The following RBBP6 variants were observed in gnomAD, a reference collection of about 807,000 sequenced individuals.
The protein encoded by RBBP6 is RB binding protein 6, ubiquitin ligase.
In RBBP6, 25 loss-of-function variants were observed where a neutral mutation model predicts 167.7. The observed-to-expected ratio is 0.15, with a 90% CI of 0.11 to 0.21. RBBP6 has a LOEUF of 0.21. Among genes scored for constraint, RBBP6 ranks in the 10% least tolerant of loss-of-function variants. The pLI is 1.00. For missense variants in RBBP6, 1,868 were observed against 2,134.2 expected (o/e 0.88, Z 2.46); for synonymous variants, 789 against 735.8 (o/e 1.07, Z -1.17).
chr16:24,543,320 T>G (rs1898551826), intron 1 of RBBP6, among the ~76,000 whole-genome samples: 1 of 142,930 alleles, frequency 7.0e-6, no homozygotes, highest in Non-Finnish European at 1.5e-5. Flanking sequence ...TGGAGACACA[T>G]CCTCACAGGC....
At chr16:24,565,599 G>A (rs1404220108) in intron 14 of RBBP6, among the ~76,000 whole-genome samples, 4 of 152,314 alleles carry the variant, frequency 2.6e-5, no homozygotes, top group South Asian at 2.1e-4. Flanking sequence ...TGGGTTGCAC[G>A]CTTCTTAGGA....
At chr16:24,564,680 G>T (rs190212924) in intron 13 of RBBP6, 117 bp from the exon 14 acceptor site, 1 of 1,298,608 alleles carries the variant, frequency 7.7e-7, no homozygotes, top group African/African-American at 1.5e-5. Context: ...AAGAACTGGG[G>T]AGTAGGAAAA....
At position 24,541,200 on chromosome 16, in the gene RBBP6, AAAAC is replaced by A. The variant is rs901594864; in HGVS notation, c.166+409_166+412del. Among the ~76,000 whole-genome samples, 292 of 101,480 alleles carry A rather than the reference AAAAC, an allele frequency of 2.9e-3. 10 individuals are homozygous for A. The highest frequency in any genetic ancestry group is 7.7e-3 in the African/African-American group (144 of 18,818). The allele number at this position is 101,480 out of a possible 152,430, so 66.6% of individuals were successfully genotyped here. The stretch of plus-strand genomic sequence containing the variant: ...AATCAGCAAAAAAAAAAACAAAAAA[AAAAC>A]CAAAAAAACAATTTTCTAACCTAAC... On this transcript the variant is annotated intron_variant, in intron 1 of 17. Coordinates refer to ENST00000319715, the MANE Select transcript of RBBP6 (RefSeq NM_006910.5).
chr16:24,551,351 T>C (rs1898790764), intron 3 of RBBP6, among the ~76,000 whole-genome samples: 1 of 151,836 alleles, frequency 6.6e-6, no homozygotes, highest in East Asian at 1.9e-4. Flanking sequence ...TTATTGATGT[T>C]TAGTAATACA....
chr16:24,572,852 A>G lies in RBBP6; in HGVS notation c.*407A>G, dbSNP rs1020672909. 6.2e-6 allele frequency: 1 copy of G among 162,036 alleles called. No individual in the cohort carries two copies. Among genetic ancestry groups the G allele is most frequent in the Non-Finnish European group, 1.3e-5 (1 of 74,594 alleles). The allele number at this position is 162,036 out of a possible 1,614,324, so 10.0% of individuals were successfully genotyped here. A position where few individuals can be genotyped will look rare whatever the true frequency, so the allele number is the denominator to read the frequency against. ...TTTGATTACAATAAAAGTTTTCAGT[A>G]AACTTTTCAAATGTTGAGTATTTGC... On this transcript the variant is annotated 3_prime_UTR_variant, in exon 18 of 18. Coordinates refer to ENST00000319715, the MANE Select transcript of RBBP6 (RefSeq NM_006910.5).
Position 24,542,969 on chromosome 16 carries a change from TAAGAA to T in RBBP6, c.166+2181_166+2185del, listed in dbSNP as rs533559999. Among the ~76,000 whole-genome samples the T allele has an allele frequency of 7.4e-3, 1,125 of 152,260 alleles. 15 individuals are homozygous for T. Among genetic ancestry groups the T allele is most frequent in the Non-Finnish European group, 8.0e-3 (541 of 68,008 alleles). On this transcript the variant is annotated intron_variant, in intron 1 of 17. Transcript: ENST00000319715. ...GAGAAAGCTTTGATGTTCGGTTTGTTAAGAAAAGGGAGCTTTGAGGGAGAAAATGT... is the reference window on the plus strand; with the variant it reads ...GAGAAAGCTTTGATGTTCGGTTTGTTAAGGGAGCTTTGAGGGAGAAAATGT...
intron 1 of RBBP6, among the ~76,000 whole-genome samples, chr16:24,544,926 A>C (rs1447625605): frequency 6.6e-6 from 1 of 152,084 alleles, no homozygotes; most frequent in East Asian, 1.9e-4. Flanking sequence ...GTCCATCAGC[A>C]AGCTTTGTCA....
At chr16:24,562,246 T>G in intron 10 of RBBP6, 85 bp downstream of exon 10, 1 of 1,249,732 alleles carries the variant, frequency 8.0e-7, no homozygotes, top group South Asian at 1.4e-5. Flanking sequence ...TTTAACAGCT[T>G]TCTTAGTGGA....
chr16:24,557,756 C>T (rs1351829701), intron 7 of RBBP6, among the ~76,000 whole-genome samples: 4 of 152,134 alleles, frequency 2.6e-5, no homozygotes, highest in Non-Finnish European at 5.9e-5. Context: ...TATATAAGAA[C>T]AGTTCCTCAG....
intron 7 of RBBP6, chr16:24,558,506 G>A (rs1487588871): frequency 2.0e-6 from 2 of 984,064 alleles, no homozygotes; most frequent in East Asian, 2.3e-4. Flanking sequence ...TGTCTATGGA[G>A]CAACTGCAAC....
At position 24,563,231 on chromosome 16, in the gene RBBP6, C is replaced by T. The variant is rs1446377294; in HGVS notation, c.1322C>T (p.Ala441Val). Reference protein sequence around the residue: ...DSDNKILPAAALASEHSKGTS... With the variant: ...DSDNKILPAAVLASEHSKGTS... ...GATAATAAAATATTGCCAGCTGCAG[C>T]TCTTGCATCAGAGCACTCAAAGGGA... is the stretch of plus-strand genomic sequence containing the variant. Residue 441 changes from alanine (A) to valine (V), a missense_variant, in exon 11 of 18, where the codon GCT becomes GTT. This residue lies in a region of RBBP6 where 245 missense variants were observed against 240.1 expected (regional missense o/e 1.02). Transcript: ENST00000319715. The T allele has an allele frequency of 6.2e-7, 1 of 1,610,252 alleles. No individual in the cohort carries two copies. Among genetic ancestry groups the T allele is most frequent in the Middle Eastern group, 1.7e-4 (1 of 6,054 alleles).
rs751265646 is a variant in RBBP6 at position 24,571,569 on chromosome 16, T to C, written c.4503T>C (p.Pro1501=). 3.8e-5 allele frequency: 61 copies of C among 1,612,568 alleles called. 1 individual carries two copies. In the South Asian group the frequency reaches 6.4e-4, roughly 17 times the overall value. ...AATTAACAAGACGAAAAGACTCTCC[T>C]TCTCGGAATAAAGATTCTGCATCTG... ...KNELTRRKDS[P]SRNKDSASGQ... The change falls in exon 18 of 18, where the codon CCT becomes CCC. Residue 1501 remains proline, a synonymous_variant. Transcript: ENST00000319715.
intron 3 of RBBP6, among the ~76,000 whole-genome samples, chr16:24,549,763 G>A (rs763748884): frequency 2.0e-4 from 31 of 151,942 alleles, no homozygotes; most frequent in African/African-American, 7.0e-4. Context: ...TCTAGTTAGT[G>A]CAGATGTCCA....
At chr16:24,545,733 T>C (rs1898628379) in intron 1 of RBBP6, among the ~76,000 whole-genome samples, 1 of 152,216 alleles carries the variant, frequency 6.6e-6, no homozygotes, top group Admixed American at 6.5e-5. Context: ...ATTCATAACG[T>C]CATAATTTAA....
intron 1 of RBBP6, among the ~76,000 whole-genome samples, chr16:24,544,399 C>T (rs912234602): frequency 2.0e-5 from 3 of 152,116 alleles, no homozygotes; most frequent in Non-Finnish European, 4.4e-5. Context: ...GAGATAGTGC[C>T]TTCTACTTGA....
In RBBP6 at chr16:24,570,195, A is replaced by G. The variant is rs758808584; in HGVS notation, c.3505A>G (p.Lys1169Glu). 1 of 1,602,650 alleles carries G rather than the reference A, an allele frequency of 6.2e-7. No homozygotes were observed. Among genetic ancestry groups the G allele is most frequent in the Admixed American group, 1.8e-5 (1 of 56,836 alleles). ...DFESSSMKIS[K>E]LEVTEIVKPS... ...TGAGTCTTCTTCAATGAAAATCTCG[A>G]AACTAGAAGTGACTGAAATAGTGAA... Residue 1169 changes from lysine (K) to glutamate (E), a missense_variant, in exon 17 of 18, where the codon AAA becomes GAA. By Grantham distance (56) the Lys-to-Glu change is moderately conservative. Transcript: ENST00000319715.
intron 11 of RBBP6, 60 bp from the exon 12 acceptor site, chr16:24,563,363 C>G: frequency 1.4e-6 from 2 of 1,422,514 alleles, no homozygotes; most frequent in South Asian, 2.7e-5. Flanking sequence ...TGGCTTTGTT[C>G]TTACCTCTTT....
Position 24,540,465 on chromosome 16 carries a change from G to C in RBBP6, c.-162G>C. On this transcript the variant is annotated 5_prime_UTR_variant, in exon 1 of 18. Coordinates refer to ENST00000319715, the MANE Select transcript of RBBP6 (RefSeq NM_006910.5). ...GGGGTCTCTGGATTATTGTTCTGACGAACCCCTGCTTGTGGTTGGGGGGTA... is the reference window on the plus strand; with the variant it reads ...GGGGTCTCTGGATTATTGTTCTGACCAACCCCTGCTTGTGGTTGGGGGGTA... 1 of 590,900 alleles carries C rather than the reference G, an allele frequency of 1.7e-6. No individual in the cohort carries two copies. The highest frequency in any genetic ancestry group is 2.8e-6 in the Non-Finnish European group (1 of 353,600). The allele number at this position is 590,900 out of a possible 1,614,324, so 36.6% of individuals were successfully genotyped here. A position where few individuals can be genotyped will look rare whatever the true frequency, so the allele number is the denominator to read the frequency against.
Position 24,540,779 on chromosome 16 carries a change from G to C in RBBP6, c.153G>C (p.Ala51=). Residue 51 remains alanine, a synonymous_variant, in exon 1 of 18, where the codon GCG becomes GCC. Transcript: ENST00000319715. ...ACTGCGACCTGCAGATCACCAATGC[G>C]CAGACGAAAGAAGGTAAGGGCCGCT... The part of the protein sequence containing the change: ...AADCDLQITN[A]QTKEEYTDDN... 2 of 1,613,180 alleles carry C rather than the reference G, an allele frequency of 1.2e-6. No individual in the cohort carries two copies. The highest frequency in any genetic ancestry group is 1.1e-5 in the South Asian group (1 of 91,010).
Sources: allele counts gnomAD v4.1 joint callset (sites outside exome capture counted in the v4.1 genomes callset), GRCh38; gene constraint gnomAD v4.1.1; regional missense constraint gnomAD v4.1.1; transcripts MANE v1.5; gene names NCBI Gene and HGNC (gene_info 2026-07-23, HGNC 2026-07-21).